Variants in LRCH1 observed in about 807,000 individuals in gnomAD.
LRCH1 encodes leucine rich repeats and calponin homology domain containing 1.
LRCH1 carries 23 observed loss-of-function variants against 94.9 expected under a neutral mutation model. The ratio of observed to expected loss-of-function variants is 0.24; its 90% CI spans 0.17 to 0.34. LRCH1 has a LOEUF of 0.34. Among genes scored for constraint, LRCH1 ranks in the 10% least tolerant of loss-of-function variants. LRCH1 has a pLI of 1.00. For missense variants in LRCH1, 790 were observed against 945.9 expected (o/e 0.84, Z 2.16); for synonymous variants, 364 against 354.9 (o/e 1.03, Z -0.29).
At position 46,595,132 on chromosome 13, in the gene LRCH1, C is replaced by A. The variant is rs1240350103; in HGVS notation, c.307+41429C>A. On this transcript the variant is annotated intron_variant, in intron 1 of 19. Coordinates refer to ENST00000389797, the MANE Select transcript of LRCH1 (RefSeq NM_001164211.2). ...GGTTTAATTTTATTCCATTCCTGGT[C>A]ATTTATAGTTTTGTTCTGTCATCTC... Among the ~76,000 whole-genome samples the A allele has an allele frequency of 2.0e-5, 3 of 152,114 alleles. 1 individual carries two copies. Among genetic ancestry groups the A allele is most frequent in the Non-Finnish European group, 4.4e-5 (3 of 68,034 alleles).
At chr13:46,570,166 A>G (rs1185127984) in intron 1 of LRCH1, among the ~76,000 whole-genome samples, 1 of 152,232 alleles carries the variant, frequency 6.6e-6, no homozygotes, top group Non-Finnish European at 1.5e-5. Context: ...CCCATCTGAC[A>G]GACTGGAAAA....
chr13:46,662,513 T>G (rs966782482), intron 2 of LRCH1, among the ~76,000 whole-genome samples: 1 of 152,230 alleles, frequency 6.6e-6, no homozygotes, highest in South Asian at 2.1e-4. Flanking sequence ...GAGCATTCAA[T>G]TCCATTTTAA....
intron 1 of LRCH1, among the ~76,000 whole-genome samples, chr13:46,621,008 C>T (rs934322829): frequency 1.9e-4 from 29 of 152,316 alleles, no homozygotes; most frequent in African/African-American, 6.7e-4. Flanking sequence ...CTTTTCCTTG[C>T]TCATACCTGG....
intron 1 of LRCH1, among the ~76,000 whole-genome samples, chr13:46,612,220 A>G (rs1053930557): frequency 6.6e-6 from 1 of 152,142 alleles, no homozygotes; most frequent in Non-Finnish European, 1.5e-5. Context: ...TTAAAATTAA[A>G]TATATATATA....
At chr13:46,730,036 T>G (rs959409384) in intron 18 of LRCH1, among the ~76,000 whole-genome samples, 1 of 152,176 alleles carries the variant, frequency 6.6e-6, no homozygotes, top group African/African-American at 2.4e-5. Context: ...AAGAGTCAGT[T>G]TTATGGTTGT....
chr13:46,697,039 G>A (rs1871232515), intron 9 of LRCH1, among the ~76,000 whole-genome samples: 1 of 152,208 alleles, frequency 6.6e-6, no homozygotes, highest in South Asian at 2.1e-4. Flanking sequence ...CTGCACTCCA[G>A]CCTGGGTGAA....
At chr13:46,577,962 C>G (rs3742270) in intron 1 of LRCH1, among the ~76,000 whole-genome samples, 1 of 151,990 alleles carries the variant, frequency 6.6e-6, no homozygotes, top group Non-Finnish European at 1.5e-5. Context: ...GTGGTGCCCA[C>G]TAAAGGGAAT....
intron 1 of LRCH1, among the ~76,000 whole-genome samples, chr13:46,627,948 A>G (rs1283054945): frequency 1.3e-5 from 2 of 152,178 alleles, no homozygotes; most frequent in African/African-American, 4.8e-5. Context: ...CATGTTCTAC[A>G]AAATCATACA....
chr13:46,597,610 G>A (rs1052183389), intron 1 of LRCH1, among the ~76,000 whole-genome samples: 1 of 152,058 alleles, frequency 6.6e-6, no homozygotes, highest in Non-Finnish European at 1.5e-5. Context: ...ACCAGCCTTG[G>A]CCTCCCAAAG....
intron 1 of LRCH1, among the ~76,000 whole-genome samples, chr13:46,613,400 A>G (rs967208064): frequency 1.3e-5 from 2 of 151,548 alleles, no homozygotes; most frequent in Non-Finnish European, 2.9e-5. Context: ...AAAAAAAAAG[A>G]AAAAAAGATT....
At chr13:46,660,714 C>A (rs2051437366) in intron 2 of LRCH1, among the ~76,000 whole-genome samples, 1 of 152,174 alleles carries the variant, frequency 6.6e-6, no homozygotes, top group Non-Finnish European at 1.5e-5. Context: ...TCTTTCTCTT[C>A]CTGCAACTTA....
At chr13:46,565,037 A>G (rs1241099823) in intron 1 of LRCH1, among the ~76,000 whole-genome samples, 1 of 152,250 alleles carries the variant, frequency 6.6e-6, no homozygotes, top group Admixed American at 6.5e-5. Flanking sequence ...CTGCCAGGAC[A>G]TGGCTACTAC....
chr13:46,563,534 A>G (rs954104226), intron 1 of LRCH1, among the ~76,000 whole-genome samples: 1 of 152,226 alleles, frequency 6.6e-6, no homozygotes, highest in African/African-American at 2.4e-5. Context: ...TAGAGTTGTC[A>G]TGAGGACATT....
At chr13:46,576,315 A>G (rs902585017) in intron 1 of LRCH1, among the ~76,000 whole-genome samples, 1 of 152,190 alleles carries the variant, frequency 6.6e-6, no homozygotes, top group Admixed American at 6.5e-5. Context: ...GTCTTGTTCT[A>G]ATTTTTTTCC....
intron 1 of LRCH1, among the ~76,000 whole-genome samples, chr13:46,561,673 G>A (rs193294450): frequency 6.7e-4 from 102 of 152,268 alleles, no homozygotes; most frequent in Non-Finnish European, 1.2e-3. Flanking sequence ...GGCAATGGTG[G>A]CAATTCAAAG....
At chr13:46,646,361 T>G (rs557642920) in intron 1 of LRCH1, among the ~76,000 whole-genome samples, 1 of 152,308 alleles carries the variant, frequency 6.6e-6, no homozygotes, top group East Asian at 1.9e-4. Flanking sequence ...CGTTGATATC[T>G]CTAAAGGCAC....
At chr13:46,573,867 T>TATATATATA (rs1555269135) in intron 1 of LRCH1, among the ~76,000 whole-genome samples, 46 of 53,022 alleles carry the variant, frequency 8.7e-4, no homozygotes, top group African/African-American at 4.1e-3. Flanking sequence ...TATATATATA[T>TATATATATA]TTTTTTTTTT....
intron 2 of LRCH1, among the ~76,000 whole-genome samples, chr13:46,665,584 G>A (rs764434440): frequency 1.3e-5 from 2 of 152,180 alleles, no homozygotes; most frequent in Non-Finnish European, 2.9e-5. Flanking sequence ...TCTGGTAAAA[G>A]CCCACTGCCT....
At chr13:46,640,025 G>A (rs1024691503) in intron 1 of LRCH1, among the ~76,000 whole-genome samples, 5 of 152,190 alleles carry the variant, frequency 3.3e-5, no homozygotes, top group Non-Finnish European at 7.3e-5. Context: ...TTTATAAGGT[G>A]CAACTGAACC....
Sources: allele counts gnomAD v4.1 joint callset (sites outside exome capture counted in the v4.1 genomes callset), GRCh38; gene constraint gnomAD v4.1.1; transcripts MANE v1.5; gene names NCBI Gene and HGNC (gene_info 2026-07-23, HGNC 2026-07-21).